The following SOX5 variants were observed in gnomAD, a reference collection of about 807,000 sequenced individuals.
The protein encoded by SOX5 is transcription factor SOX-5.
SOX5 carries 9 observed loss-of-function variants against 92.0 expected under a neutral mutation model. That is an observed-to-expected ratio of 0.10 (90% CI 0.06 to 0.17). The LOEUF (loss-of-function observed/expected upper bound fraction) is 0.17, where lower values mean the gene tolerates loss of function less well. SOX5 is among the 10% of genes least tolerant of loss of function. The pLI, the probability that SOX5 is intolerant of heterozygous loss-of-function variation, is 1.00. For synonymous variants in SOX5, 344 were observed against 336.3 expected, an observed-to-expected ratio of 1.02 and a Z score of -0.25; for missense variants, 642 against 944.5, an observed-to-expected ratio of 0.68 and a Z score of 4.20.
chr12:23,676,044 G>A (rs1449162109), intron 6 of SOX5, among the ~76,000 whole-genome samples: 1 of 152,144 alleles, frequency 6.6e-6, no homozygotes, highest in African/African-American at 2.4e-5. Context: ...TGGCAGGAAT[G>A]TAAATTAGCA....
At chr12:24,506,784 C>CATTTTTTTT (rs1390448641) in intron 1 of SOX5, among the ~76,000 whole-genome samples, 1 of 81,760 alleles carries the variant, frequency 1.2e-5, no homozygotes, top group African/African-American at 4.8e-5. Flanking sequence ...TCCAAATGGT[C>CATTTTTTTT]TTTTTTTTTT....
At chr12:24,482,812 C>A (rs971063121) in intron 1 of SOX5, among the ~76,000 whole-genome samples, 1 of 152,034 alleles carries the variant, frequency 6.6e-6, no homozygotes, top group Non-Finnish European at 1.5e-5. Flanking sequence ...ACACTTGAAA[C>A]GTAAATAAGA....
chr12:23,847,090 G>A (rs1402659918), intron 2 of SOX5, among the ~76,000 whole-genome samples: 1 of 152,014 alleles, frequency 6.6e-6, no homozygotes, highest in African/African-American at 2.4e-5. Context: ...ATATTAAGGT[G>A]ATTTTTTAGA....
chr12:23,808,011 T>G (rs920863405), intron 3 of SOX5, among the ~76,000 whole-genome samples: 2 of 152,130 alleles, frequency 1.3e-5, no homozygotes, highest in Non-Finnish European at 2.9e-5. Flanking sequence ...CCTAAGAAAC[T>G]AGTACAAAGA....
intron 2 of SOX5, among the ~76,000 whole-genome samples, chr12:23,875,466 T>C (rs987481405): frequency 6.6e-6 from 1 of 152,016 alleles, no homozygotes. Context: ...CTGCAAAAAA[T>C]CCTTACTGTT....
At chr12:24,510,294 C>A (rs901172495) in intron 1 of SOX5, among the ~76,000 whole-genome samples, 1 of 152,156 alleles carries the variant, frequency 6.6e-6, no homozygotes, top group Non-Finnish European at 1.5e-5. Context: ...AGAGGATATT[C>A]CACCCAAGGA....
At chr12:23,801,803 T>TGC (rs1200540399) in intron 3 of SOX5, among the ~76,000 whole-genome samples, 5 of 152,150 alleles carry the variant, frequency 3.3e-5, no homozygotes, top group Non-Finnish European at 7.3e-5. Context: ...TCAGTTACAC[T>TGC]TTTATTGATA....
At chr12:23,655,143 G>A (rs2082152927) in intron 7 of SOX5, among the ~76,000 whole-genome samples, 1 of 151,912 alleles carries the variant, frequency 6.6e-6, no homozygotes, top group African/African-American at 2.4e-5. Context: ...AAAATACATT[G>A]TTCTTCATCT....
intron 1 of SOX5, among the ~76,000 whole-genome samples, chr12:24,421,083 A>G (rs1163130587): frequency 6.6e-6 from 1 of 152,226 alleles, no homozygotes; most frequent in Admixed American, 6.5e-5. Flanking sequence ...AAAATTCACT[A>G]TATGCATAAT....
intron 6 of SOX5, among the ~76,000 whole-genome samples, chr12:23,700,426 C>T (rs2090468206): frequency 6.6e-6 from 1 of 152,046 alleles, no homozygotes; most frequent in Non-Finnish European, 1.5e-5. Flanking sequence ...TCATTTAATT[C>T]TCGTAAGAGC....
At chr12:23,801,054 G>A (rs140215391) in intron 3 of SOX5, among the ~76,000 whole-genome samples, 10 of 152,170 alleles carry the variant, frequency 6.6e-5, no homozygotes, top group African/African-American at 2.2e-4. Flanking sequence ...ATTCCTCTTC[G>A]GATGTATTTT....
At chr12:23,955,475 A>G (rs1946176871), upstream of SOX5, among the ~76,000 whole-genome samples, 1 of 152,192 alleles carries the variant, frequency 6.6e-6, no homozygotes, top group African/African-American at 2.4e-5. Context: ...AATCTCAGGT[A>G]AAACCCAGGG....
intron 1 of SOX5, among the ~76,000 whole-genome samples, chr12:24,489,158 G>A (rs1367688874): frequency 6.6e-6 from 1 of 152,202 alleles, no homozygotes; most frequent in Non-Finnish European, 1.5e-5. Flanking sequence ...AAAGAGGCAA[G>A]CAGTGATGTT....
intron 9 of SOX5, among the ~76,000 whole-genome samples, chr12:23,596,228 T>C (rs1168780259): frequency 3.3e-5 from 5 of 152,198 alleles, no homozygotes; most frequent in South Asian, 4.1e-4. Flanking sequence ...AGTCAGTATA[T>C]CGTTCTCTTT....
At chr12:24,519,255 T>C (rs930929795) in intron 1 of SOX5, among the ~76,000 whole-genome samples, 1 of 152,150 alleles carries the variant, frequency 6.6e-6, no homozygotes, top group African/African-American at 2.4e-5. Flanking sequence ...TCTGGACATA[T>C]AGGAATGAAC....
At chr12:24,275,356 T>C (rs1303316021) in intron 3 of SOX5, among the ~76,000 whole-genome samples, 2 of 152,178 alleles carry the variant, frequency 1.3e-5, no homozygotes, top group Non-Finnish European at 2.9e-5. Context: ...TGTGCATACA[T>C]GTGTGTACAT....
chr12:23,718,712 T>C (rs1402032339), intron 6 of SOX5, among the ~76,000 whole-genome samples: 1 of 152,222 alleles, frequency 6.6e-6, no homozygotes, highest in Non-Finnish European at 1.5e-5. Context: ...TGTTATTTCA[T>C]ATTTCCTTTC....
intron 3 of SOX5, among the ~76,000 whole-genome samples, chr12:23,778,747 C>G (rs1350960697): frequency 2.0e-5 from 3 of 151,946 alleles, no homozygotes; most frequent in Non-Finnish European, 2.9e-5. Context: ...ACCTAGAGCT[C>G]TGGATACTTG....
chr12:23,970,841 A>AATTTTTAAT (rs758001783), intron 4 of SOX5, among the ~76,000 whole-genome samples: 1 of 21,878 alleles, frequency 4.6e-5, no homozygotes, highest in African/African-American at 1.2e-4. Context: ...TATATATATA[A>AATTTTTAAT]TTTTTTTTTT....
Sources: allele counts gnomAD v4.1 joint callset (sites outside exome capture counted in the v4.1 genomes callset), GRCh38; gene constraint gnomAD v4.1.1; transcripts MANE v1.5; gene names NCBI Gene and HGNC (gene_info 2026-07-23, HGNC 2026-07-21).